Variants in PCDHA8 observed in about 807,000 individuals in gnomAD.
The protein encoded by PCDHA8 is protocadherin alpha-8.
In PCDHA8, 53 loss-of-function variants were observed where a neutral mutation model predicts 61.8. The observed-to-expected ratio is 0.86, with a 90% CI of 0.69 to 1.08. PCDHA8 has a LOEUF of 1.08. PCDHA8 is among the 50% of genes least tolerant of loss of function. The probability of loss-of-function intolerance (pLI) is 0.00; values close to 1 mark genes in which losing one functional copy is unlikely to be tolerated. For missense variants in PCDHA8, 1,293 were observed against 1,245.0 expected (o/e 1.04, Z -0.58); for synonymous variants, 618 against 556.6 (o/e 1.11, Z -1.55).
chr5:140,997,668 T>TTGTGTGTGTGTG (rs35184029), intron 3 of PCDHA8, among the ~76,000 whole-genome samples: 18 of 148,344 alleles, frequency 1.2e-4, no homozygotes, highest in Middle Eastern at 3.4e-3. Flanking sequence ...ATTATACAGC[T>TTGTGTGTGTGTG]TGTGTGTGTG....
At chr5:141,008,745 G>A (rs759690147) in intron 3 of PCDHA8, among the ~76,000 whole-genome samples, 5 of 152,200 alleles carry the variant, frequency 3.3e-5, no homozygotes, top group Non-Finnish European at 7.3e-5. Context: ...TGAGCACACT[G>A]AGGGAAGGAA....
intron 1 of PCDHA8, among the ~76,000 whole-genome samples, chr5:140,898,001 C>G (rs2066457062): frequency 6.6e-6 from 1 of 152,116 alleles, no homozygotes; most frequent in Non-Finnish European, 1.5e-5. Flanking sequence ...TGAGAAGTGT[C>G]TGTTCATATC....
chr5:140,967,385 C>G (rs2096135382), intron 1 of PCDHA8: 1 of 1,608,920 alleles, frequency 6.2e-7, no homozygotes, highest in African/African-American at 1.3e-5. Flanking sequence ...CAGTAAAGTG[C>G]TTGAGCTGGT....
At chr5:140,910,028 T>C (rs1402911275) in intron 1 of PCDHA8, among the ~76,000 whole-genome samples, 4 of 152,222 alleles carry the variant, frequency 2.6e-5, no homozygotes, top group African/African-American at 9.6e-5. Flanking sequence ...ATCCCTGGGA[T>C]AAATCCCACT....
chr5:140,908,329 A>T (rs539575503), intron 1 of PCDHA8, among the ~76,000 whole-genome samples: 140 of 152,214 alleles, frequency 9.2e-4, no homozygotes, highest in African/African-American at 2.7e-3. Flanking sequence ...AGACCATGGG[A>T]ATTTGAGCCA....
At chr5:140,911,775 C>T (rs1341124275) in intron 1 of PCDHA8, among the ~76,000 whole-genome samples, 1 of 152,096 alleles carries the variant, frequency 6.6e-6, no homozygotes, top group African/African-American at 2.4e-5. Context: ...AAGTACAGTC[C>T]TTAGCATTTT....
Position 140,843,501 on chromosome 5 carries a change from C to T in PCDHA8, c.2180C>T (p.Pro727Leu), listed in dbSNP as rs2150361276. The stretch of plus-strand genomic sequence containing the variant: ...ACTGCGCTGCGGTGCTCAGCACTGC[C>T]CACTGAGGGCGGGTGCCGGGCGGGC... The part of the protein sequence containing the change: ...LYTALRCSAL[P>L]TEGGCRAGKP... The change falls in exon 1 of 4, where the codon CCC becomes CTC. Residue 727 changes from proline (P) to leucine (L), a missense_variant. Coordinates refer to ENST00000531613, the MANE Select transcript of PCDHA8 (RefSeq NM_018911.3). 8.1e-6 allele frequency: 13 copies of T among 1,595,862 alleles called. 1 individual carries two copies. Among genetic ancestry groups the T allele is most frequent in the East Asian group, 2.2e-5 (1 of 44,830 alleles).
At chr5:140,926,987 G>A (rs782407289) in intron 1 of PCDHA8, 13 of 1,610,996 alleles carry the variant, frequency 8.1e-6, no homozygotes, top group Non-Finnish European at 1.1e-5. Flanking sequence ...GAGACGGAGC[G>A]GGGCGTAGCC....
chr5:140,871,625 A>C (rs1360108001), intron 1 of PCDHA8: 1 of 1,403,018 alleles, frequency 7.1e-7, no homozygotes, highest in Non-Finnish European at 9.4e-7. Context: ...TTAGATAACA[A>C]TGTCTGTTCA....
chr5:140,910,737 G>A (rs1405978966), intron 1 of PCDHA8, among the ~76,000 whole-genome samples: 2 of 152,008 alleles, frequency 1.3e-5, no homozygotes, highest in African/African-American at 4.8e-5. Context: ...AGCTAACCAA[G>A]CACATAAATT....
intron 1 of PCDHA8, chr5:140,849,278 G>A (rs1427040308): frequency 8.5e-7 from 1 of 1,179,884 alleles, no homozygotes; most frequent in Non-Finnish European, 1.2e-6. Context: ...GAACGCTGGT[G>A]ATTCACCCCA....
intron 1 of PCDHA8, chr5:140,857,755 T>A: frequency 6.3e-7 from 1 of 1,597,184 alleles, no homozygotes; most frequent in Non-Finnish European, 8.6e-7. Flanking sequence ...CGTCTCCCGC[T>A]GGCAGCGCGG....
chr5:140,968,866 A>G, intron 1 of PCDHA8: 1 of 1,614,230 alleles, frequency 6.2e-7, no homozygotes, highest in Non-Finnish European at 8.5e-7. Flanking sequence ...GCCCTCGGAC[A>G]TACTCTGAAA....
At chr5:140,851,899 C>T (rs1295773158) in intron 1 of PCDHA8, 2 of 973,488 alleles carry the variant, frequency 2.1e-6, no homozygotes, top group African/African-American at 1.8e-5. Flanking sequence ...AGATTTGCCT[C>T]TTTAATGTCA....
chr5:140,853,955 T>A, intron 1 of PCDHA8: 1 of 752,642 alleles, frequency 1.3e-6, no homozygotes, highest in Non-Finnish European at 1.7e-6. Flanking sequence ...GGTCCCTTCC[T>A]TGAGCCCAGC....
rs1395280300 is a variant in PCDHA8, at chr5:140,857,152, T to C, written c.2394+13437T>C. ...AAGATGCTCAAGTGGGCACCGTCAT[T>C]GCCCTAATCAGCGTTTCTGACCATG... On this transcript the variant is annotated intron_variant, in intron 1 of 3. Coordinates refer to ENST00000531613, the MANE Select transcript of PCDHA8 (RefSeq NM_018911.3). The C allele has an allele frequency of 3.8e-6, 6 of 1,598,324 alleles. 1 individual carries two copies. In the Admixed American group the frequency reaches 8.4e-5, roughly 22 times the overall value.
chr5:140,842,707 G>A lies in PCDHA8; in HGVS notation c.1386G>A (p.Val462=). 1 of 1,595,290 alleles carries A rather than the reference G, an allele frequency of 6.3e-7. No individual in the cohort carries two copies. Among genetic ancestry groups the A allele is most frequent in the Non-Finnish European group, 8.6e-7 (1 of 1,165,516 alleles). Residue 462 remains valine, a synonymous_variant, in exon 1 of 4, where the codon GTG becomes GTA. Coordinates refer to ENST00000531613, the MANE Select transcript of PCDHA8 (RefSeq NM_018911.3). ...APAFAQPEYT[V]FVKENNPPGC... ...CGTTCGCGCAGCCCGAGTACACGGT[G>A]TTCGTGAAGGAGAACAACCCGCCGG...
At chr5:140,938,251 A>C (rs1015321564) in intron 1 of PCDHA8, among the ~76,000 whole-genome samples, 4 of 152,176 alleles carry the variant, frequency 2.6e-5, no homozygotes, top group Non-Finnish European at 5.9e-5. Context: ...TGGTCTTTTA[A>C]AAACTTTCTA....
chr5:141,004,708 A>G (rs955852492), intron 3 of PCDHA8, among the ~76,000 whole-genome samples: 2 of 152,340 alleles, frequency 1.3e-5, no homozygotes, highest in South Asian at 4.1e-4. Flanking sequence ...TAGGTGCCGA[A>G]TCAGAGGTTT....
Sources: gnomAD v4.1 joint callset for allele counts (sites outside exome capture counted in the v4.1 genomes callset) on GRCh38, gnomAD v4.1.1 for gene constraint, MANE v1.5 for transcripts, NCBI Gene and HGNC (gene_info 2026-07-23, HGNC 2026-07-21) for gene names.